RGS7: variants seen among roughly 807,000 people sequenced by gnomAD.
RGS7 encodes the protein regulator of G protein signaling 7.
A neutral mutation model predicts 81.1 loss-of-function variants in RGS7; 27 were observed. The ratio of observed to expected loss-of-function variants is 0.33; its 90% CI spans 0.25 to 0.46. The LOEUF (loss-of-function observed/expected upper bound fraction) is 0.46. Among genes scored for constraint, RGS7 ranks in the 20% least tolerant of loss-of-function variants. RGS7 has a pLI of 1.00. For missense variants in RGS7, 396 were observed against 607.4 expected, an observed-to-expected ratio of 0.65 and a Z score of 3.66; for synonymous variants, 208 against 207.7, an observed-to-expected ratio of 1.00 and a Z score of -0.01.
intron 2 of RGS7, among the ~76,000 whole-genome samples, chr1:241,252,046 TTTC>T (rs1326450525): frequency 6.7e-6 from 1 of 150,214 alleles, no homozygotes; most frequent in African/African-American, 2.5e-5. Flanking sequence ...TTTCTTTCTT[TTTC>T]TTTTTTTTTT....
intron 2 of RGS7, among the ~76,000 whole-genome samples, chr1:241,185,065 C>T (rs904928969): frequency 1.1e-4 from 16 of 152,122 alleles, no homozygotes; most frequent in Admixed American, 1.0e-3. Flanking sequence ...TATTCTTGTA[C>T]ATTCCTTAAA....
chr1:241,335,506 T>C (rs1193055575), intron 2 of RGS7, among the ~76,000 whole-genome samples: 1 of 152,222 alleles, frequency 6.6e-6, no homozygotes, highest in African/African-American at 2.4e-5. Context: ...AGTCAACCAA[T>C]GTATCAAATC....
At chr1:240,822,461 T>C (rs914043089) in intron 10 of RGS7, among the ~76,000 whole-genome samples, 3 of 152,130 alleles carry the variant, frequency 2.0e-5, no homozygotes, top group Non-Finnish European at 4.4e-5. Context: ...TTCACAAACA[T>C]CTTCACGTTT....
Position 240,932,658 on chromosome 1 carries a change from GC to G in RGS7, c.334-1891del, listed in dbSNP as rs201960265. Among the ~76,000 whole-genome samples the G allele has an allele frequency of 5.5e-3, 804 of 145,834 alleles. 7 individuals are homozygous for G. The highest frequency in any genetic ancestry group is 0.018 in the African/African-American group (733 of 39,680). On this transcript the variant is annotated intron_variant, in intron 5 of 18. Transcript: ENST00000440928. ...CAAGTAGCTGGGACTACAGGTGCCC[GC>G]CACCACGCCCAGCTGAGTTTTTGTA...
intron 2 of RGS7, among the ~76,000 whole-genome samples, chr1:241,236,032 C>T (rs4039559): frequency 0.58 from 88,413 of 151,650 alleles, 25,971 homozygotes; most frequent in African/African-American, 0.61. Flanking sequence ...TTTATTTGTT[C>T]ACATGTTTTT....
chr1:240,992,986 G>C (rs1166374136), intron 3 of RGS7, among the ~76,000 whole-genome samples: 2 of 151,610 alleles, frequency 1.3e-5, no homozygotes, highest in Non-Finnish European at 2.9e-5. Flanking sequence ...CTGCATTCCA[G>C]CCTGGGTGAA....
chr1:241,131,169 C>A (rs1443810443), intron 2 of RGS7, among the ~76,000 whole-genome samples: 2 of 151,924 alleles, frequency 1.3e-5, no homozygotes, highest in Admixed American at 6.6e-5. Context: ...AATACCTTTC[C>A]AGTGTCATGC....
In RGS7 at chr1:241,071,891, A is replaced by AAAAAAAAAAAAAAAAAAG. The variant is rs2062485244; in HGVS notation, c.175+26774_175+26775insCTTTTTTTTTTTTTTTTT. Among the ~76,000 whole-genome samples the AAAAAAAAAAAAAAAAAAG allele has an allele frequency of 2.1e-5, 3 of 144,240 alleles. 1 individual carries two copies. Among genetic ancestry groups the AAAAAAAAAAAAAAAAAAG allele is most frequent in the Non-Finnish European group, 4.6e-5 (3 of 64,610 alleles). 94.6% of individuals were successfully genotyped at this position (144,240 alleles called of 152,430 possible). A position where few individuals can be genotyped will look rare whatever the true frequency, so the allele number is the denominator to read the frequency against. ...GACCCTGTCAAAAAAAAAAAAAAAAAAAAACAAGAAAGAAAGAAGAGGAAA... is the reference window on the plus strand; with the variant it reads ...GACCCTGTCAAAAAAAAAAAAAAAAAAAAAAAAAAAAAAAAAAGAAAACAAGAAAGAAAGAAGAGGAAA... On this transcript the variant is annotated intron_variant, in intron 3 of 18. Coordinates refer to ENST00000440928, the MANE Select transcript of RGS7 (RefSeq NM_001364886.1).
At chr1:241,091,073 C>G (rs1457813312) in intron 3 of RGS7, among the ~76,000 whole-genome samples, 1 of 152,104 alleles carries the variant, frequency 6.6e-6, no homozygotes, top group African/African-American at 2.4e-5. Context: ...AAAATGGGGC[C>G]AAAAGCTTGA....
At chr1:240,788,737 G>A (rs1001462109) in intron 18 of RGS7, among the ~76,000 whole-genome samples, 1 of 152,168 alleles carries the variant, frequency 6.6e-6, no homozygotes, top group African/African-American at 2.4e-5. Flanking sequence ...GCGGAGCAGA[G>A]ACAAAGACAG....
chr1:241,239,976 T>A (rs2076186598), intron 2 of RGS7, among the ~76,000 whole-genome samples: 1 of 151,990 alleles, frequency 6.6e-6, no homozygotes, highest in Admixed American at 6.6e-5. Context: ...GGAGAATAAA[T>A]GGATTATACG....
At chr1:240,858,008 A>G (rs889722469) in intron 9 of RGS7, among the ~76,000 whole-genome samples, 21 of 151,492 alleles carry the variant, frequency 1.4e-4, no homozygotes, top group Middle Eastern at 3.4e-3. Context: ...GTTTCCTGAG[A>G]CCTCCCCAAC....
intron 2 of RGS7, among the ~76,000 whole-genome samples, chr1:241,302,557 C>G (rs1357607658): frequency 6.6e-5 from 10 of 152,016 alleles, no homozygotes; most frequent in Non-Finnish European, 2.9e-5. Context: ...TCAAAACAAA[C>G]AAACAAACAA....
rs150175242 is a variant in RGS7, at chr1:241,343,942, G to A, written c.78+11757C>T. Among the ~76,000 whole-genome samples the A allele has an allele frequency of 8.9e-4, 136 of 152,270 alleles. 4 individuals are homozygous for A. In the South Asian group the frequency reaches 0.016, roughly 18 times the overall value. The stretch of plus-strand genomic sequence containing the variant: ...TAAATATGAAAAGAAATTAAAGCAC[G>A]TTGAGTAAGAGGTGTCCCTTACCTA... On this transcript the variant is annotated intron_variant, in intron 2 of 18. Transcript: ENST00000440928.
chr1:240,884,606 T>C (rs1667027085), intron 6 of RGS7, among the ~76,000 whole-genome samples: 2 of 152,148 alleles, frequency 1.3e-5, no homozygotes, highest in Admixed American at 1.3e-4. Context: ...GAGGGAACAT[T>C]CCTGCAACCA....
At chr1:241,033,449 T>C (rs924747598) in intron 3 of RGS7, among the ~76,000 whole-genome samples, 4 of 152,008 alleles carry the variant, frequency 2.6e-5, no homozygotes, top group Non-Finnish European at 5.9e-5. Context: ...TGGTCCAAAA[T>C]GAAATGAAAA....
At chr1:241,208,976 C>T (rs2074087412) in intron 2 of RGS7, among the ~76,000 whole-genome samples, 1 of 152,178 alleles carries the variant, frequency 6.6e-6, no homozygotes, top group Admixed American at 6.5e-5. Flanking sequence ...ACAGGTGCTC[C>T]AGTGGAGGCA....
At chr1:240,867,902 T>TGAGGTGG (rs1663606953) in intron 9 of RGS7, among the ~76,000 whole-genome samples, 1 of 151,486 alleles carries the variant, frequency 6.6e-6, no homozygotes, top group Non-Finnish European at 1.5e-5. Context: ...CTTGGGAGGC[T>TGAGGTGG]GAGGTGGGAG....
At chr1:241,092,505 T>C (rs931554762) in intron 3 of RGS7, among the ~76,000 whole-genome samples, 2 of 152,204 alleles carry the variant, frequency 1.3e-5, no homozygotes, top group African/African-American at 2.4e-5. Context: ...ATAAGACTTA[T>C]GGATTTCATT....
Sources: allele counts gnomAD v4.1 joint callset (sites outside exome capture counted in the v4.1 genomes callset), GRCh38; gene constraint gnomAD v4.1.1; transcripts MANE v1.5; gene names NCBI Gene and HGNC (gene_info 2026-07-23, HGNC 2026-07-21).